KRABD5: variants seen among roughly 807,000 people sequenced by gnomAD.
KRABD5 encodes the protein KRAB domain-containing protein 5.
chr16:31,719,400 A>G, the KRABD5 span, among the ~76,000 whole-genome samples: 5 of 152,250 alleles, frequency 3.3e-5, no homozygotes, highest in Admixed American at 6.5e-5. Context: ...TTTACAAAAT[A>G]CTTAAGGATG....
At chr16:31,737,284 C>G in the KRABD5 span, among the ~76,000 whole-genome samples, 1 of 152,084 alleles carries the variant, frequency 6.6e-6, no homozygotes, top group African/African-American at 2.4e-5. Flanking sequence ...GACAATATGA[C>G]CTTGTTTATA....
chr16:31,717,564 G>A, the KRABD5 span, among the ~76,000 whole-genome samples: 1 of 152,176 alleles, frequency 6.6e-6, no homozygotes, highest in African/African-American at 2.4e-5. Context: ...GACAAATGGT[G>A]CTGTCAGGTC....
chr16:31,744,930 C>G, the KRABD5 span, among the ~76,000 whole-genome samples: 1 of 152,084 alleles, frequency 6.6e-6, no homozygotes, highest in Admixed American at 6.6e-5. Context: ...TTATGGTATT[C>G]TCTGGTGGTA....
the KRABD5 span, chr16:31,759,445 G>A: frequency 6.6e-7 from 1 of 1,525,358 alleles, no homozygotes; most frequent in Non-Finnish European, 8.9e-7. Flanking sequence ...TGAGGGTGAT[G>A]AAAGTGTTGC....
chr16:31,752,535 G>C, the KRABD5 span, among the ~76,000 whole-genome samples: 20,235 of 152,008 alleles, frequency 0.13, 1,766 homozygotes, highest in South Asian at 0.32. Flanking sequence ...ACATCCTTGT[G>C]CTTTTGTATG....
the KRABD5 span, among the ~76,000 whole-genome samples, chr16:31,727,027 T>C: frequency 2.0e-5 from 3 of 152,350 alleles, no homozygotes; most frequent in African/African-American, 7.2e-5. Flanking sequence ...ATAAGAATTT[T>C]ATACTTTTGA....
At chr16:31,713,327 A>C in the KRABD5 span, 12 of 1,508,572 alleles carry the variant, frequency 8.0e-6, no homozygotes, top group Middle Eastern at 1.7e-4. Flanking sequence ...CTGGGAGGCC[A>C]AGGCGGCTTC....
chr16:31,725,921 G>A, the KRABD5 span, among the ~76,000 whole-genome samples: 7 of 152,280 alleles, frequency 4.6e-5, no homozygotes, highest in African/African-American at 1.7e-4. Context: ...TCCTTAGGTT[G>A]CCTTTTCATG....
chr16:31,733,388 A>AGTCACAT, the KRABD5 span: 2 of 401,136 alleles, frequency 5.0e-6, no homozygotes, highest in Non-Finnish European at 9.9e-6. Flanking sequence ...TCTTTTAGGT[A>AGTCACAT]GTCACATTTT....
At chr16:31,722,105 G>A in the KRABD5 span, among the ~76,000 whole-genome samples, 43 of 151,898 alleles carry the variant, frequency 2.8e-4, no homozygotes, top group African/African-American at 1.0e-3. Context: ...ACGGAATTTC[G>A]CTCTTGTTGC....
the KRABD5 span, chr16:31,756,120 T>A: frequency 6.6e-6 from 1 of 152,598 alleles, no homozygotes; most frequent in South Asian, 2.1e-4. Flanking sequence ...TATAAAAACA[T>A]ATAGTCTATT....
At chr16:31,750,465 T>C in the KRABD5 span, among the ~76,000 whole-genome samples, 1 of 152,168 alleles carries the variant, frequency 6.6e-6, no homozygotes, top group African/African-American at 2.4e-5. Flanking sequence ...TGTAGAATCA[T>C]ATGAGCAGAG....
At chr16:31,741,578 G>A in the KRABD5 span, among the ~76,000 whole-genome samples, 9 of 152,046 alleles carry the variant, frequency 5.9e-5, no homozygotes, top group East Asian at 7.7e-4. Context: ...ACATTTTTTC[G>A]TATGCTTGAT....
the KRABD5 span, among the ~76,000 whole-genome samples, chr16:31,742,699 A>G: frequency 6.6e-6 from 1 of 152,308 alleles, no homozygotes. Context: ...GCTGGGTCAA[A>G]TAGTGTTTCT....
At chr16:31,744,065 G>A in the KRABD5 span, among the ~76,000 whole-genome samples, 1 of 152,104 alleles carries the variant, frequency 6.6e-6, no homozygotes, top group Non-Finnish European at 1.5e-5. Context: ...TATGTCATCT[G>A]CAAACAGAGA....
the KRABD5 span, among the ~76,000 whole-genome samples, chr16:31,719,478 T>C: frequency 3.3e-5 from 5 of 152,196 alleles, no homozygotes; most frequent in Non-Finnish European, 5.9e-5. Flanking sequence ...AGAAAAACTC[T>C]GGGAGTCAAG....
At chr16:31,753,918 A>G in the KRABD5 span, 1 of 1,551,146 alleles carries the variant, frequency 6.4e-7, no homozygotes, top group South Asian at 1.2e-5. Flanking sequence ...TGAAGGTCAC[A>G]ATGGATATTA....
chr16:31,750,635 T>G, the KRABD5 span, among the ~76,000 whole-genome samples: 1 of 152,182 alleles, frequency 6.6e-6, no homozygotes, highest in Non-Finnish European at 1.5e-5. Flanking sequence ...CAGCTTTTGC[T>G]TTGTCAGTGT....
chr16:31,730,168 A>T, the KRABD5 span, among the ~76,000 whole-genome samples: 1 of 151,838 alleles, frequency 6.6e-6, no homozygotes, highest in Non-Finnish European at 1.5e-5. Flanking sequence ...CTTCAACTTG[A>T]GTAATTCCCT....
Sources: gnomAD v4.1 joint callset for allele counts (sites outside exome capture counted in the v4.1 genomes callset) on GRCh38, gnomAD v4.1.1 for gene constraint, MANE v1.5 for transcripts, NCBI Gene and HGNC (gene_info 2026-07-23, HGNC 2026-07-21) for gene names.